THSD7B: variants seen among roughly 807,000 people sequenced by gnomAD.
THSD7B encodes thrombospondin type 1 domain containing 7B, also known as thrombospondin type-1 domain-containing protein 7B.
Under a neutral mutation model 213.6 loss-of-function variants are expected in THSD7B, and 138 were observed. The ratio of observed to expected loss-of-function variants is 0.65; its 90% CI spans 0.56 to 0.74. The LOEUF is 0.74. THSD7B is among the 30% of genes least tolerant of loss of function. The pLI is 0.00. For missense variants in THSD7B, 1,931 were observed against 1,991.5 expected (o/e 0.97, Z 0.58); for synonymous variants, 742 against 687.0 (o/e 1.08, Z -1.25).
At chr2:137,617,128 C>T (rs191139761) in intron 18 of THSD7B, among the ~76,000 whole-genome samples, 91 of 152,246 alleles carry the variant, frequency 6.0e-4, no homozygotes, top group African/African-American at 2.0e-3. Flanking sequence ...TGATTGTCTT[C>T]GTGGGTAAAG....
intron 2 of THSD7B, among the ~76,000 whole-genome samples, chr2:136,997,645 T>C (rs573048329): frequency 5.9e-5 from 9 of 152,292 alleles, no homozygotes; most frequent in Admixed American, 5.2e-4. Context: ...AGGAAACTCA[T>C]GTAGTAGAAG....
intron 5 of THSD7B, among the ~76,000 whole-genome samples, chr2:137,116,998 A>G (rs1688456729): frequency 6.6e-6 from 1 of 152,204 alleles, no homozygotes; most frequent in African/African-American, 2.4e-5. Flanking sequence ...TCAGGGGGAA[A>G]GGCTGGATGT....
At chr2:136,776,587 G>A (rs1190566821) in intron 1 of THSD7B, among the ~76,000 whole-genome samples, 1 of 152,116 alleles carries the variant, frequency 6.6e-6, no homozygotes, top group Non-Finnish European at 1.5e-5. Context: ...TCAGTGTGTG[G>A]CAGAAAAATG....
chr2:136,855,633 ATTTATTTT>A (rs1558827472), intron 1 of THSD7B, among the ~76,000 whole-genome samples: 6 of 111,360 alleles, frequency 5.4e-5, no homozygotes, highest in African/African-American at 1.6e-4. Flanking sequence ...TTATTTATTT[ATTTATTTT>A]TTGTATTTTT....
chr2:136,768,068 G>A (rs917399044), intron 1 of THSD7B, among the ~76,000 whole-genome samples: 13 of 152,096 alleles, frequency 8.5e-5, no homozygotes, highest in African/African-American at 2.7e-4. Flanking sequence ...AATTGGTAAC[G>A]AGAGGTACCT....
At chr2:137,069,935 G>T (rs1037650974) in intron 3 of THSD7B, among the ~76,000 whole-genome samples, 1 of 151,052 alleles carries the variant, frequency 6.6e-6, no homozygotes, top group Non-Finnish European at 1.5e-5. Context: ...ATATGTAGTT[G>T]TTTTGTTGTT....
chr2:136,794,591 G>A (rs1682027496), intron 1 of THSD7B, among the ~76,000 whole-genome samples: 1 of 151,864 alleles, frequency 6.6e-6, no homozygotes, highest in African/African-American at 2.4e-5. Context: ...GAGATTCATT[G>A]TTTTGCTTTA....
chr2:137,063,408 T>C (rs1209162060), intron 3 of THSD7B, among the ~76,000 whole-genome samples: 23 of 151,980 alleles, frequency 1.5e-4, no homozygotes, highest in Admixed American at 1.4e-3. Context: ...TGTAGGTGCA[T>C]AGTAGGTGTA....
chr2:137,184,820 T>C (rs1350365591), intron 7 of THSD7B, among the ~76,000 whole-genome samples: 1 of 152,094 alleles, frequency 6.6e-6, no homozygotes, highest in African/African-American at 2.4e-5. Context: ...TCTTAAGGCA[T>C]AGATGGGCCA....
chr2:137,314,230 T>G (rs546498761), intron 12 of THSD7B, among the ~76,000 whole-genome samples: 41 of 152,302 alleles, frequency 2.7e-4, no homozygotes, highest in Admixed American at 2.2e-3. Context: ...TTCTCTAAAC[T>G]TCCCTTCTCG....
At chr2:137,190,406 G>A (rs1680634057) in intron 7 of THSD7B, among the ~76,000 whole-genome samples, 1 of 152,150 alleles carries the variant, frequency 6.6e-6, no homozygotes, top group Non-Finnish European at 1.5e-5. Context: ...AGCTTATGAT[G>A]TAGAATTGGC....
intron 2 of THSD7B, among the ~76,000 whole-genome samples, chr2:137,020,711 G>A (rs1032424899): frequency 1.3e-5 from 2 of 152,098 alleles, no homozygotes; most frequent in Non-Finnish European, 2.9e-5. Context: ...GCTTTGCCCC[G>A]GGATTGTCTG....
chr2:137,331,469 G>A (rs1484502697), intron 12 of THSD7B, among the ~76,000 whole-genome samples: 2 of 152,244 alleles, frequency 1.3e-5, no homozygotes, highest in Non-Finnish European at 2.9e-5. Context: ...GATGCAGAGT[G>A]CTGATTGGTG....
intron 12 of THSD7B, among the ~76,000 whole-genome samples, chr2:137,327,500 C>T: frequency 6.6e-6 from 1 of 151,992 alleles, no homozygotes; most frequent in East Asian, 1.9e-4. Context: ...TCTCTTTCTC[C>T]TCTGCTCTCT....
chr2:137,622,317 C>T (rs1456687980), intron 20 of THSD7B, among the ~76,000 whole-genome samples: 1 of 152,038 alleles, frequency 6.6e-6, no homozygotes, highest in Non-Finnish European at 1.5e-5. Flanking sequence ...TCATCTGAGA[C>T]TCAAGGTAAG....
chr2:137,207,303 G>A (rs1199610855), intron 7 of THSD7B, among the ~76,000 whole-genome samples: 2 of 152,052 alleles, frequency 1.3e-5, no homozygotes, highest in Admixed American at 1.3e-4. Flanking sequence ...GATTAGAAAT[G>A]GGTACATCAT....
At chr2:137,597,164 C>T (rs190304878) in intron 17 of THSD7B, among the ~76,000 whole-genome samples, 18 of 152,012 alleles carry the variant, frequency 1.2e-4, no homozygotes, top group African/African-American at 2.9e-4. Context: ...TTGCCATGGA[C>T]GATCAAATGG....
At chr2:137,232,404 C>T (rs1681660784) in intron 8 of THSD7B, among the ~76,000 whole-genome samples, 1 of 152,094 alleles carries the variant, frequency 6.6e-6, no homozygotes, top group Non-Finnish European at 1.5e-5. Flanking sequence ...GTGAAATGCA[C>T]TGCTTGATAG....
chr2:137,437,504 A>T (rs1687320008), intron 14 of THSD7B, among the ~76,000 whole-genome samples: 1 of 152,176 alleles, frequency 6.6e-6, no homozygotes, highest in Admixed American at 6.5e-5. Flanking sequence ...GCCACTTGAC[A>T]AAATTATTAC....
Sources: gnomAD v4.1 joint callset for allele counts (sites outside exome capture counted in the v4.1 genomes callset) on GRCh38, gnomAD v4.1.1 for gene constraint, MANE v1.5 for transcripts, NCBI Gene and HGNC (gene_info 2026-07-23, HGNC 2026-07-21) for gene names.